The following IQCM variants were observed in gnomAD, a reference collection of about 807,000 sequenced individuals.
IQCM encodes IQ motif containing M, also known as IQ domain-containing protein M.
In IQCM, 45 loss-of-function variants were observed where a neutral mutation model predicts 57.6. The ratio of observed to expected loss-of-function variants is 0.78; its 90% CI spans 0.62 to 1.00. The LOEUF (loss-of-function observed/expected upper bound fraction) is 1.00. Among genes scored for constraint, IQCM ranks in the 50% least tolerant of loss-of-function variants. IQCM has a pLI of 0.00. For synonymous variants in IQCM, 148 were observed against 158.9 expected (o/e 0.93, Z 0.51); for missense variants, 468 against 511.6 (o/e 0.91, Z 0.82).
chr4:149,721,670 C>T (rs1765461761), intron 5 of IQCM, among the ~76,000 whole-genome samples: 1 of 152,124 alleles, frequency 6.6e-6, no homozygotes, highest in African/African-American at 2.4e-5. Context: ...AAATATACCA[C>T]ATTTTCTTTA....
At chr4:149,365,568 A>G (rs550979535) in intron 13 of IQCM, among the ~76,000 whole-genome samples, 2 of 152,304 alleles carry the variant, frequency 1.3e-5, no homozygotes, top group East Asian at 1.9e-4. Flanking sequence ...GGGAAGGGGT[A>G]GCTTTATAAT....
intron 13 of IQCM, among the ~76,000 whole-genome samples, chr4:149,429,498 G>A (rs1734676648): frequency 6.6e-6 from 1 of 151,802 alleles, no homozygotes; most frequent in Non-Finnish European, 1.5e-5. Flanking sequence ...AAATATGGAT[G>A]TACCAGGTAT....
At chr4:149,813,669 T>C (rs1774799542) in intron 2 of IQCM, among the ~76,000 whole-genome samples, 1 of 152,128 alleles carries the variant, frequency 6.6e-6, no homozygotes. Context: ...TACTCCACTT[T>C]AGTTACTTAA....
At chr4:149,637,613 A>T (rs1374913822) in intron 7 of IQCM, among the ~76,000 whole-genome samples, 1 of 152,226 alleles carries the variant, frequency 6.6e-6, no homozygotes, top group East Asian at 1.9e-4. Context: ...GGCATACATG[A>T]CATGACTTCA....
rs538374608 is a variant in IQCM, at chr4:149,568,786, C to T, written c.750-4896G>A. 1.2e-3 allele frequency among the ~76,000 whole-genome samples: 185 copies of T among 152,246 alleles called. 1 individual carries two copies. Among genetic ancestry groups the T allele is most frequent in the Non-Finnish European group, 1.2e-3 (84 of 68,012 alleles). ...GAATGGGACCCTATCTCAAAATACA[C>T]ATGTACATATATATTTTTACATTAA... is the stretch of plus-strand genomic sequence containing the variant. On this transcript the variant is annotated intron_variant, in intron 9 of 13. Coordinates refer to ENST00000636793, the MANE Select transcript of IQCM (RefSeq NM_001363507.2).
chr4:149,684,764 T>C (rs1360520091), intron 6 of IQCM, among the ~76,000 whole-genome samples: 1 of 151,424 alleles, frequency 6.6e-6, no homozygotes, highest in Admixed American at 6.6e-5. Context: ...AAAGCACTTA[T>C]TTGTCTTTCC....
chr4:149,611,918 C>T lies in IQCM; in HGVS notation c.681+9211G>A, dbSNP rs1002345459. 8.6e-5 allele frequency among the ~76,000 whole-genome samples: 13 copies of T among 151,294 alleles called. 1 individual carries two copies. The highest frequency in any genetic ancestry group is 1.6e-4 in the Non-Finnish European group (11 of 67,862). ...TGTTGTATCAAAATATCATATGTACCCCATGAAAATATACAACTATTACAT... is the reference window on the plus strand; with the variant it reads ...TGTTGTATCAAAATATCATATGTACTCCATGAAAATATACAACTATTACAT... On this transcript the variant is annotated intron_variant, in intron 8 of 13. Transcript: ENST00000636793.
chr4:149,379,587 G>C (rs1730937041), intron 13 of IQCM, among the ~76,000 whole-genome samples: 1 of 152,082 alleles, frequency 6.6e-6, no homozygotes, highest in East Asian at 1.9e-4. Flanking sequence ...TCTTCCATTT[G>C]GAATAGCTGT....
intron 9 of IQCM, among the ~76,000 whole-genome samples, chr4:149,573,472 A>G (rs1027857730): frequency 9.9e-5 from 15 of 152,018 alleles, no homozygotes; most frequent in African/African-American, 3.6e-4. Context: ...AAGAAAAATG[A>G]TAATTTGTTC....
At chr4:149,545,583 G>A (rs1047990104) in intron 12 of IQCM, among the ~76,000 whole-genome samples, 1 of 152,090 alleles carries the variant, frequency 6.6e-6, no homozygotes, top group African/African-American at 2.4e-5. Flanking sequence ...TTTGTACATT[G>A]TTGGTAGAAT....
intron 8 of IQCM, among the ~76,000 whole-genome samples, chr4:149,619,124 A>G (rs1756080232): frequency 6.8e-6 from 1 of 146,850 alleles, no homozygotes; most frequent in Non-Finnish European, 1.5e-5. Context: ...ATATATATAT[A>G]TATATATACA....
At chr4:149,795,476 TGCACTGA>T (rs1228546543) in intron 2 of IQCM, among the ~76,000 whole-genome samples, 1 of 152,146 alleles carries the variant, frequency 6.6e-6, no homozygotes, top group African/African-American at 2.4e-5. Context: ...CAGGCTAAAG[TGCACTGA>T]GGCTCTAAAT....
intron 12 of IQCM, among the ~76,000 whole-genome samples, chr4:149,442,425 AAAACAAAAAC>A (rs929075257): frequency 3.3e-5 from 5 of 152,192 alleles, no homozygotes; most frequent in East Asian, 3.9e-4. Context: ...AAAAACCCAA[AAAACAAAAAC>A]AAACAAAAAC....
chr4:149,772,439 G>A (rs192171560), intron 2 of IQCM, among the ~76,000 whole-genome samples: 22 of 152,184 alleles, frequency 1.4e-4, no homozygotes, highest in Non-Finnish European at 2.9e-4. Flanking sequence ...AAATAGAAAT[G>A]TGCAAAATGA....
chr4:149,500,403 G>T (rs1743114966), intron 12 of IQCM, among the ~76,000 whole-genome samples: 1 of 152,142 alleles, frequency 6.6e-6, no homozygotes. Flanking sequence ...GTGAATTGAA[G>T]TTCAAGATAA....
intron 13 of IQCM, among the ~76,000 whole-genome samples, chr4:149,372,508 A>C (rs1353077228): frequency 6.6e-6 from 1 of 151,994 alleles, no homozygotes; most frequent in Non-Finnish European, 1.5e-5. Context: ...AGCCTCATTC[A>C]AATATGGGGC....
chr4:149,577,656 G>A (rs1273842282), intron 9 of IQCM, among the ~76,000 whole-genome samples: 2 of 89,320 alleles, frequency 2.2e-5, no homozygotes, highest in Non-Finnish European at 4.4e-5. Context: ...TTTGAAGTAG[G>A]TAGTGTGATG....
At chr4:149,776,749 T>C (rs1771125380) in intron 2 of IQCM, among the ~76,000 whole-genome samples, 1 of 152,126 alleles carries the variant, frequency 6.6e-6, no homozygotes, top group Non-Finnish European at 1.5e-5. Context: ...ATTATTCAAA[T>C]TGTCTTTTAA....
At chr4:149,523,902 T>A (rs1485767519) in intron 12 of IQCM, among the ~76,000 whole-genome samples, 1 of 152,196 alleles carries the variant, frequency 6.6e-6, no homozygotes, top group Non-Finnish European at 1.5e-5. Context: ...AAACGCATTC[T>A]AGACTGAAGA....
Sources: gnomAD v4.1 joint callset for allele counts (sites outside exome capture counted in the v4.1 genomes callset) on GRCh38, gnomAD v4.1.1 for gene constraint, MANE v1.5 for transcripts, NCBI Gene and HGNC (gene_info 2026-07-23, HGNC 2026-07-21) for gene names.